SLC1A2: variants seen among roughly 807,000 people sequenced by gnomAD.
SLC1A2 encodes excitatory amino acid transporter 2.
SLC1A2 carries 15 observed loss-of-function variants against 48.8 expected under a neutral mutation model. That is an observed-to-expected ratio of 0.31 (90% CI 0.21 to 0.47). The LOEUF is 0.47. Among genes scored for constraint, SLC1A2 ranks in the 20% least tolerant of loss-of-function variants. The probability of loss-of-function intolerance (pLI) is 0.99; values close to 1 mark genes in which losing one functional copy is unlikely to be tolerated. For synonymous variants in SLC1A2, 279 were observed against 272.6 expected (o/e 1.02, Z -0.23); for missense variants, 502 against 730.5 (o/e 0.69, Z 3.61).
chr11:35,268,239 A>G (rs1015925106), intron 9 of SLC1A2, among the ~76,000 whole-genome samples: 2 of 152,236 alleles, frequency 1.3e-5, no homozygotes, highest in Non-Finnish European at 2.9e-5. Context: ...GAGGTCTTTC[A>G]GAGCAATACT....
chr11:35,320,251 C>T (rs958788905), intron 1 of SLC1A2, among the ~76,000 whole-genome samples: 2 of 152,154 alleles, frequency 1.3e-5, no homozygotes, highest in South Asian at 2.1e-4. Flanking sequence ...CAATAACAGG[C>T]ATAACTTATA....
intron 6 of SLC1A2, among the ~76,000 whole-genome samples, chr11:35,299,856 G>T (rs1851295045): frequency 6.6e-6 from 1 of 152,168 alleles, no homozygotes; most frequent in Non-Finnish European, 1.5e-5. Context: ...AGGTGGGTAG[G>T]CCTGGAACAT....
chr11:35,280,647 T>G, intron 9 of SLC1A2: 1 of 476,160 alleles, frequency 2.1e-6, no homozygotes, highest in Non-Finnish European at 3.7e-6. Flanking sequence ...TGTCATAATC[T>G]CTCTGATTCC....
chr11:35,285,352 T>C (rs1850781561), intron 8 of SLC1A2: 1 of 152,212 alleles, frequency 6.6e-6, no homozygotes, highest in Admixed American at 6.5e-5. Context: ...CTGGTCATGT[T>C]CAAAGCAATG....
intron 1 of SLC1A2, among the ~76,000 whole-genome samples, chr11:35,359,296 G>A (rs1173497791): frequency 6.6e-6 from 1 of 152,164 alleles, no homozygotes; most frequent in Admixed American, 6.5e-5. Context: ...TATTCATTAA[G>A]GACTGCGTCA....
At chr11:35,310,602 T>A (rs1851656044) in intron 4 of SLC1A2, among the ~76,000 whole-genome samples, 1 of 152,202 alleles carries the variant, frequency 6.6e-6, no homozygotes, top group Non-Finnish European at 1.5e-5. Context: ...TAGGAATACA[T>A]ACTTTTCTTC....
intron 7 of SLC1A2, among the ~76,000 whole-genome samples, chr11:35,290,905 C>T (rs1850980292): frequency 6.6e-6 from 1 of 152,120 alleles, no homozygotes; most frequent in East Asian, 1.9e-4. Context: ...TCTACTAGCA[C>T]TGAATCCTCA....
At chr11:35,306,559 T>A (rs1851513503) in intron 4 of SLC1A2, among the ~76,000 whole-genome samples, 1 of 152,188 alleles carries the variant, frequency 6.6e-6, no homozygotes, top group South Asian at 2.1e-4. Context: ...ATTTAAGGTG[T>A]CTAACATCTG....
Position 35,252,002 on chromosome 11 carries a change from T to C in SLC1A2, c.*8892A>G, listed in dbSNP as rs1451712132. 1 of 152,554 alleles carries C rather than the reference T, an allele frequency of 6.6e-6. No homozygotes were observed. Among genetic ancestry groups the C allele is most frequent in the Non-Finnish European group, 1.5e-5 (1 of 68,024 alleles). The allele number at this position is 152,554 out of a possible 1,614,324, so 9.5% of individuals were successfully genotyped here. On this transcript the variant is annotated 3_prime_UTR_variant, in exon 11 of 11. Coordinates refer to ENST00000278379, the MANE Select transcript of SLC1A2 (RefSeq NM_004171.4). ...TCATTCAAAACATGCACACAGAACA[T>C]ATTAGGTAGAGAACGTCATACTCCC...
intron 8 of SLC1A2, among the ~76,000 whole-genome samples, chr11:35,284,695 T>G (rs1168931109): frequency 6.6e-6 from 1 of 152,090 alleles, no homozygotes; most frequent in African/African-American, 2.4e-5. Flanking sequence ...AAGCTGTGTT[T>G]TAACAAAAAT....
rs368099832 is a variant in SLC1A2, at chr11:35,256,302, C to T, written c.*4592G>A. 5 of 152,202 alleles carry T rather than the reference C, an allele frequency of 3.3e-5. No homozygotes were observed. Among genetic ancestry groups the T allele is most frequent in the African/African-American group, 1.2e-4 (5 of 41,452 alleles). 9.4% of individuals were successfully genotyped at this position (152,202 alleles called of 1,614,324 possible). ...TCTGTTATCTATTTTAAAACCAAGC[C>T]TCACACTAACTTGTGTGATGGCTTA... On this transcript the variant is annotated 3_prime_UTR_variant, in exon 11 of 11. Coordinates refer to ENST00000278379, the MANE Select transcript of SLC1A2 (RefSeq NM_004171.4).
intron 9 of SLC1A2, among the ~76,000 whole-genome samples, chr11:35,272,824 C>T (rs913226587): frequency 6.6e-6 from 1 of 152,140 alleles, no homozygotes; most frequent in Non-Finnish European, 1.5e-5. Flanking sequence ...ACAGATGACA[C>T]GGCTATGCTT....
At chr11:35,406,589 T>C (rs573442959) in intron 1 of SLC1A2, among the ~76,000 whole-genome samples, 2 of 152,084 alleles carry the variant, frequency 1.3e-5, no homozygotes, top group South Asian at 4.2e-4. Flanking sequence ...ATGGGATATC[T>C]GAGGAACTGA....
chr11:35,292,396 C>T lies in SLC1A2; in HGVS notation c.982G>A (p.Gly328Arg). 6.2e-7 allele frequency: 1 copy of T among 1,613,922 alleles called. No individual in the cohort carries two copies. Among genetic ancestry groups the T allele is most frequent in the Non-Finnish European group, 8.5e-7 (1 of 1,179,834 alleles). The change falls in exon 7 of 11, where the codon GGG becomes AGG. Residue 328 changes from glycine to arginine, a missense_variant. Around this residue, in one of 4 missense-constraint regions of SLC1A2, gnomAD observed 309 missense variants for 480.3 expected, o/e 0.64. Transcript: ENST00000278379. Reference protein sequence around the residue: ...VTVIIGLIIHGGIFLPLIYFV... With the variant: ...VTVIIGLIIHRGIFLPLIYFV... ...TAAATCAAGGGGAGAAAGATGCCCC[C>T]GTGGATGATGAGGCCTATGATCACT...
chr11:35,266,158 T>G (rs1234201532), intron 9 of SLC1A2, among the ~76,000 whole-genome samples: 2 of 152,192 alleles, frequency 1.3e-5, no homozygotes, highest in Non-Finnish European at 2.9e-5. Context: ...CCCTCCTGAT[T>G]TAAACTGTTG....
chr11:35,354,932 C>A (rs575797938), intron 1 of SLC1A2, among the ~76,000 whole-genome samples: 1 of 152,276 alleles, frequency 6.6e-6, no homozygotes, highest in Admixed American at 6.5e-5. Flanking sequence ...TCTAATTATA[C>A]ATTTTCCCAT....
chr11:35,399,620 T>TATGC, intron 1 of SLC1A2: 1 of 983,510 alleles, frequency 1.0e-6, no homozygotes, highest in Non-Finnish European at 1.2e-6. Context: ...TTTCCATTTG[T>TATGC]ATGCGGAGTA....
At chr11:35,309,617 T>A (rs893799229) in intron 4 of SLC1A2, among the ~76,000 whole-genome samples, 3 of 152,178 alleles carry the variant, frequency 2.0e-5, no homozygotes, top group African/African-American at 4.8e-5. Flanking sequence ...CTCATCTTCC[T>A]CTTTACATTT....
intron 9 of SLC1A2, among the ~76,000 whole-genome samples, chr11:35,274,282 T>A (rs1016021420): frequency 3.9e-5 from 6 of 152,206 alleles, no homozygotes; most frequent in African/African-American, 1.4e-4. Context: ...TGCGCAGAAC[T>A]ATAGCCCTGC....
Sources: gnomAD v4.1 joint callset for allele counts (sites outside exome capture counted in the v4.1 genomes callset) on GRCh38, gnomAD v4.1.1 for gene constraint, gnomAD v4.1.1 regional missense constraint, MANE v1.5 for transcripts, NCBI Gene and HGNC (gene_info 2026-07-23, HGNC 2026-07-21) for gene names.